Variants in XXYLT1 observed in about 807,000 individuals in gnomAD.
The protein encoded by XXYLT1 is xyloside xylosyltransferase 1, also known as UDP-xylose:alpha-xyloside alpha-1,3-xylosyltransferase.
In XXYLT1, 20 loss-of-function variants were observed where a neutral mutation model predicts 28.9. That is an observed-to-expected ratio of 0.69 (90% confidence interval 0.49 to 1.00). The LOEUF (loss-of-function observed/expected upper bound fraction) is 1.00. Among genes scored for constraint, XXYLT1 ranks in the 50% least tolerant of loss-of-function variants. XXYLT1 has a pLI of 0.00. For missense variants in XXYLT1, 542 were observed against 560.1 expected, an observed-to-expected ratio of 0.97 and a Z score of 0.33; for synonymous variants, 257 against 253.8, an observed-to-expected ratio of 1.01 and a Z score of -0.12.
intron 1 of XXYLT1, among the ~76,000 whole-genome samples, chr3:195,246,366 C>T (rs566515325): frequency 6.6e-6 from 1 of 152,314 alleles, no homozygotes; most frequent in South Asian, 2.1e-4. Context: ...TCTTCCTCAC[C>T]TCCAATGGCA....
rs35536915 is a variant in XXYLT1, at chr3:195,234,309, ATTTTTTTTTT to A, written c.505-7463_505-7454del. ...TTTATTTCTCCTTCATGTTTGAAGG[ATTTTTTTTTT>A]TTTTTTTTTTTTTTTTGAGACAGAG... On this transcript the variant is annotated intron_variant, in intron 1 of 3. Coordinates refer to ENST00000310380, the MANE Select transcript of XXYLT1 (RefSeq NM_152531.5). Among the ~76,000 whole-genome samples, 226 of 66,942 alleles carry A rather than the reference ATTTTTTTTTT, an allele frequency of 3.4e-3. 3 individuals carry two copies. The highest frequency in any genetic ancestry group is 0.011 in the Middle Eastern group (1 of 90). 43.9% of individuals were successfully genotyped at this position (66,942 alleles called of 152,430 possible). A position where few individuals can be genotyped will look rare whatever the true frequency, so the allele number is the denominator to read the frequency against.
At chr3:195,120,754 C>T (rs185654420) in intron 3 of XXYLT1, among the ~76,000 whole-genome samples, 8 of 152,292 alleles carry the variant, frequency 5.3e-5, no homozygotes, top group South Asian at 2.1e-4. Flanking sequence ...CACTGAGCAC[C>T]GACTCTGCGG....
rs2410845 is a variant in XXYLT1 at position 195,133,293 on chromosome 3, A to C, written c.785+23156T>G. ...AATTTTTCCTGAATGGCCCTGGAGT[A>C]CCAGCAGCTGACATCGGCAGGTGGA... On this transcript the variant is annotated intron_variant, in intron 3 of 3. Transcript: ENST00000310380. This position sits in a 1 kb window ranked among gnomAD's most constrained non-coding sequence, Gnocchi z 4.4. Among the ~76,000 whole-genome samples the C allele has an allele frequency of 0.93, 141,159 of 152,244 alleles. 65,569 individuals carry two copies. Among genetic ancestry groups the C allele is most frequent in the East Asian group, 1 (5,180 of 5,184 alleles).
intron 2 of XXYLT1, among the ~76,000 whole-genome samples, chr3:195,181,904 G>A (rs1236349191): frequency 6.6e-6 from 1 of 152,212 alleles, no homozygotes; most frequent in East Asian, 1.9e-4. Flanking sequence ...TCTTGAGAAA[G>A]CTGGTCACCC....
intron 1 of XXYLT1, among the ~76,000 whole-genome samples, chr3:195,234,041 C>T (rs1192239596): frequency 6.6e-6 from 1 of 151,684 alleles, no homozygotes; most frequent in African/African-American, 2.4e-5. Flanking sequence ...CTCAGCCTCC[C>T]AAGTGGCTGG....
intron 3 of XXYLT1, among the ~76,000 whole-genome samples, chr3:195,121,861 G>A (rs1718377963): frequency 6.6e-6 from 1 of 152,220 alleles, no homozygotes; most frequent in Admixed American, 6.5e-5. Context: ...AATACTGGGT[G>A]CTGACCAAGT....
chr3:195,215,676 T>A (rs1379426753), intron 2 of XXYLT1, among the ~76,000 whole-genome samples: 1 of 150,162 alleles, frequency 6.7e-6, no homozygotes, highest in Non-Finnish European at 1.5e-5. Context: ...ATAAAGCAAG[T>A]CCTGAGTGAC....
At chr3:195,138,989 G>C (rs1719344306) in intron 3 of XXYLT1, among the ~76,000 whole-genome samples, 2 of 152,188 alleles carry the variant, frequency 1.3e-5, no homozygotes, top group African/African-American at 4.8e-5. Context: ...GAAGACACCT[G>C]TGTGGGCAAC....
intron 1 of XXYLT1, among the ~76,000 whole-genome samples, chr3:195,228,634 G>A (rs1190462990): frequency 1.3e-5 from 2 of 150,972 alleles, no homozygotes; most frequent in Non-Finnish European, 3.0e-5. Flanking sequence ...GACTACAGAC[G>A]CCCGCCACCA....
At chr3:195,208,401 C>T (rs925163122) in intron 2 of XXYLT1, among the ~76,000 whole-genome samples, 7 of 152,218 alleles carry the variant, frequency 4.6e-5, no homozygotes, top group South Asian at 2.1e-4. Context: ...ACTGCCCACA[C>T]GCCTGCCGAA....
At chr3:195,259,023 G>A (rs559615121) in intron 1 of XXYLT1, among the ~76,000 whole-genome samples, 5 of 152,190 alleles carry the variant, frequency 3.3e-5, no homozygotes, top group African/African-American at 1.2e-4. Flanking sequence ...CACCTATTCC[G>A]GTACCATTAT....
chr3:195,212,659 G>A (rs1361773097), intron 2 of XXYLT1, among the ~76,000 whole-genome samples: 2 of 152,324 alleles, frequency 1.3e-5, no homozygotes, highest in East Asian at 3.9e-4. Context: ...GCATGCGAGG[G>A]ATCTAGGCTG....
At chr3:195,182,272 T>C (rs1199207269) in intron 2 of XXYLT1, among the ~76,000 whole-genome samples, 1 of 152,202 alleles carries the variant, frequency 6.6e-6, no homozygotes, top group Non-Finnish European at 1.5e-5. Flanking sequence ...GTAAAGCACT[T>C]AGAATAGTGA....
At chr3:195,080,612 G>A (rs1483834892) in intron 3 of XXYLT1, among the ~76,000 whole-genome samples, 2 of 152,182 alleles carry the variant, frequency 1.3e-5, no homozygotes, top group Non-Finnish European at 2.9e-5. Context: ...CTTCAGAATC[G>A]GCTCACTGTC....
rs1723161797 is a variant in XXYLT1 at position 195,208,323 on chromosome 3, T to TAGCAC, written c.652+18381_652+18385dup. Among the ~76,000 whole-genome samples the TAGCAC allele has an allele frequency of 2.0e-5, 3 of 152,164 alleles. No homozygotes were observed. In the South Asian group the frequency reaches 6.2e-4, roughly 32 times the overall value. ...ATCTGTTCCCCTCCCCTCCTGTGCCTAGCACAGCACAGCATCCAGTCTCGG... is the reference window on the plus strand; with the variant it reads ...ATCTGTTCCCCTCCCCTCCTGTGCCTAGCACAGCACAGCACAGCATCCAGTCTCGG... On this transcript the variant is annotated intron_variant, in intron 2 of 3. Coordinates refer to ENST00000310380, the MANE Select transcript of XXYLT1 (RefSeq NM_152531.5).
chr3:195,074,403 T>A (rs1461231606), intron 3 of XXYLT1, among the ~76,000 whole-genome samples: 1 of 152,246 alleles, frequency 6.6e-6, no homozygotes. Context: ...GCCCAGAGGC[T>A]GTGCAGTCAG....
rs1724725542 is a variant in XXYLT1 at position 195,240,432 on chromosome 3, T to C, written c.505-13576A>G. 6.6e-6 allele frequency among the ~76,000 whole-genome samples: 1 copy of C among 152,204 alleles called. No homozygotes were observed. On this transcript the variant is annotated intron_variant, in intron 1 of 3. Coordinates refer to ENST00000310380, the MANE Select transcript of XXYLT1 (RefSeq NM_152531.5). This position sits in a 1 kb window ranked among gnomAD's most constrained non-coding sequence, Gnocchi z 4.7. ...CTAAACACTCCCTGGGGACATAAACTCAGGCCAAGCCTTTAGCTCCATTTG... is the reference window on the plus strand; with the variant it reads ...CTAAACACTCCCTGGGGACATAAACCCAGGCCAAGCCTTTAGCTCCATTTG...
At chr3:195,099,755 T>C (rs1019770547) in intron 3 of XXYLT1, among the ~76,000 whole-genome samples, 1 of 143,446 alleles carries the variant, frequency 7.0e-6, no homozygotes, top group South Asian at 2.2e-4. Context: ...GGCGTGAACC[T>C]GGGAGGCGGA....
At chr3:195,244,904 G>T (rs1258978646) in intron 1 of XXYLT1, among the ~76,000 whole-genome samples, 3 of 144,890 alleles carry the variant, frequency 2.1e-5, no homozygotes, top group African/African-American at 7.6e-5. Flanking sequence ...GGTGGCTCAC[G>T]CCTGTGATCC....
Sources: allele counts gnomAD v4.1 joint callset (sites outside exome capture counted in the v4.1 genomes callset), GRCh38; gene constraint gnomAD v4.1.1; non-coding constraint Gnocchi (gnomAD v3.1); transcripts MANE v1.5; gene names NCBI Gene and HGNC (gene_info 2026-07-23, HGNC 2026-07-21).